The following MKLN1 variants were observed in gnomAD, a reference collection of about 807,000 sequenced individuals.
MKLN1 encodes the protein muskelin.
Under a neutral mutation model 99.0 loss-of-function variants are expected in MKLN1, and 18 were observed. That is an observed-to-expected ratio of 0.18 (90% confidence interval 0.13 to 0.27). The LOEUF is 0.27. Among genes scored for constraint, MKLN1 ranks in the 10% least tolerant of loss-of-function variants. The pLI is 1.00. For synonymous variants in MKLN1, 288 were observed against 293.2 expected, an observed-to-expected ratio of 0.98 and a Z score of 0.18; for missense variants, 621 against 875.9, an observed-to-expected ratio of 0.71 and a Z score of 3.67.
At chr7:131,133,715 G>T (rs2116234782) in intron 1 of MKLN1, among the ~76,000 whole-genome samples, 1 of 150,434 alleles carries the variant, frequency 6.6e-6, no homozygotes, top group Non-Finnish European at 1.5e-5. Context: ...CTCAAACCCT[G>T]GGCTCCAGTG....
chr7:131,216,910 C>T (rs10488388), intron 3 of MKLN1, among the ~76,000 whole-genome samples: 13,249 of 152,200 alleles, frequency 0.087, 611 homozygotes, highest in Middle Eastern at 0.11. Context: ...CCATACCTGG[C>T]TTTATTCAAC....
chr7:131,385,561 A>G (rs778039150), intron 2 of MKLN1, among the ~76,000 whole-genome samples: 1 of 152,094 alleles, frequency 6.6e-6, no homozygotes, highest in Non-Finnish European at 1.5e-5. Flanking sequence ...TATTATTGCC[A>G]TCTTAGTGGA....
intron 2 of MKLN1, among the ~76,000 whole-genome samples, chr7:131,146,906 G>A (rs750933852): frequency 1.3e-5 from 2 of 152,156 alleles, no homozygotes; most frequent in Non-Finnish European, 2.9e-5. Context: ...AGACAGGTGG[G>A]CAAATCCTTA....
At chr7:131,466,923 A>ACACGCGCG (rs1254085462) in intron 15 of MKLN1, among the ~76,000 whole-genome samples, 16 of 150,656 alleles carry the variant, frequency 1.1e-4, no homozygotes, top group African/African-American at 3.7e-4. Context: ...ACACACACAC[A>ACACGCGCG]CGCGCGCGCG....
At chr7:131,287,618 C>A (rs1798152151) in intron 3 of MKLN1, among the ~76,000 whole-genome samples, 1 of 152,148 alleles carries the variant, frequency 6.6e-6, no homozygotes, top group Admixed American at 6.5e-5. Flanking sequence ...ATGTAATATT[C>A]CCAGGTTCCA....
intron 9 of MKLN1, among the ~76,000 whole-genome samples, chr7:131,434,971 A>G (rs902214426): frequency 2.0e-5 from 3 of 152,162 alleles, no homozygotes; most frequent in Non-Finnish European, 4.4e-5. Flanking sequence ...TAAACAGGAG[A>G]GTGTTCAGTA....
intron 3 of MKLN1, chr7:131,310,092 A>G (rs571907301): frequency 6.6e-6 from 1 of 152,344 alleles, no homozygotes; most frequent in East Asian, 1.9e-4. Flanking sequence ...TTACATTAAC[A>G]TAACATAAGC....
intron 3 of MKLN1, among the ~76,000 whole-genome samples, chr7:131,306,187 G>A (rs535688024): frequency 6.6e-6 from 1 of 152,262 alleles, no homozygotes; most frequent in East Asian, 1.9e-4. Context: ...GTGAAACTGT[G>A]AGTCAATTAA....
chr7:131,438,055 T>G, intron 10 of MKLN1, 58 bp downstream of exon 10: 2 of 1,323,012 alleles, frequency 1.5e-6, no homozygotes, highest in South Asian at 1.2e-5. Context: ...ATTCTTGCAA[T>G]TAGAGTTTAT....
intron 1 of MKLN1, among the ~76,000 whole-genome samples, chr7:131,331,025 A>C (rs1050640643): frequency 1.3e-5 from 2 of 152,336 alleles, no homozygotes; most frequent in South Asian, 2.1e-4. Context: ...ACTCTTATAC[A>C]TAAAAATATT....
At chr7:131,165,252 C>T (rs1796107006) in intron 2 of MKLN1, among the ~76,000 whole-genome samples, 1 of 152,276 alleles carries the variant, frequency 6.6e-6, no homozygotes, top group East Asian at 1.9e-4. Context: ...ATGGCGCGAT[C>T]TCTGCTCACT....
At chr7:131,231,590 C>A (rs545797069) in intron 3 of MKLN1, among the ~76,000 whole-genome samples, 1 of 152,264 alleles carries the variant, frequency 6.6e-6, no homozygotes, top group East Asian at 1.9e-4. Flanking sequence ...TGCGTTGAGG[C>A]TGGGCATGTG....
At chr7:131,240,106 A>G (rs909495656) in intron 3 of MKLN1, among the ~76,000 whole-genome samples, 2 of 152,174 alleles carry the variant, frequency 1.3e-5, no homozygotes, top group African/African-American at 4.8e-5. Context: ...ACTTGAGCCC[A>G]GGAAGTCGAG....
At chr7:131,159,626 T>G (rs1206776144) in intron 2 of MKLN1, among the ~76,000 whole-genome samples, 2 of 152,016 alleles carry the variant, frequency 1.3e-5, no homozygotes, top group Non-Finnish European at 2.9e-5. Flanking sequence ...TAGAATTAGA[T>G]AGTAGAAATA....
At chr7:131,257,415 A>G (rs972317383) in intron 3 of MKLN1, among the ~76,000 whole-genome samples, 9 of 152,212 alleles carry the variant, frequency 5.9e-5, no homozygotes, top group African/African-American at 2.2e-4. Flanking sequence ...TGATAATGAA[A>G]GCAAAACAAA....
Position 131,487,888 on chromosome 7 carries a change from C to A in MKLN1, c.*160C>A. On this transcript the variant is annotated 3_prime_UTR_variant, in exon 18 of 18. Transcript: ENST00000352689. The surrounding 1 kb of genome is among the most constrained non-coding windows in gnomAD (Gnocchi z 4.7). ...CAAGTTTTTACCCTCTTCCTTCATG[C>A]CTGACCTCAACCCCGCTCTCCTCAT... 1.4e-6 allele frequency: 1 copy of A among 717,886 alleles called. No homozygotes were observed. The highest frequency in any genetic ancestry group is 2.1e-6 in the Non-Finnish European group (1 of 472,710). 44.5% of individuals were successfully genotyped at this position (717,886 alleles called of 1,614,324 possible).
intron 9 of MKLN1, among the ~76,000 whole-genome samples, chr7:131,433,882 A>AT (rs11346221): frequency 1.6e-5 from 2 of 128,828 alleles, no homozygotes; most frequent in East Asian, 2.3e-4. Context: ...TGTCGTTTGA[A>AT]TTTTTTTTTT....
At chr7:131,321,349 TCTCA>T (rs1166447135) in intron 3 of MKLN1, among the ~76,000 whole-genome samples, 2 of 152,150 alleles carry the variant, frequency 1.3e-5, no homozygotes, top group Non-Finnish European at 2.9e-5. Flanking sequence ...CACCACATGT[TCTCA>T]CTAATAAGTG....
At chr7:131,444,720 GTA>G (rs1247336449) in intron 11 of MKLN1, among the ~76,000 whole-genome samples, 42 of 9,226 alleles carry the variant, frequency 4.6e-3, no homozygotes, top group South Asian at 0.035. Context: ...TGGGTTTTGA[GTA>G]GTAGTAGTAG....
Sources: gnomAD v4.1 joint callset for allele counts (sites outside exome capture counted in the v4.1 genomes callset) on GRCh38, gnomAD v4.1.1 for gene constraint, Gnocchi (gnomAD v3.1) non-coding constraint, MANE v1.5 for transcripts, NCBI Gene and HGNC (gene_info 2026-07-23, HGNC 2026-07-21) for gene names.